Variants in CNTNAP2 observed in about 807,000 individuals in gnomAD.
CNTNAP2 encodes contactin associated protein 2, also known as contactin-associated protein-like 2.
A neutral mutation model predicts 155.2 loss-of-function variants in CNTNAP2; 98 were observed. That is an observed-to-expected ratio of 0.63 (90% CI 0.54 to 0.75). The LOEUF (loss-of-function observed/expected upper bound fraction) is 0.75, where lower values mean the gene tolerates loss of function less well. CNTNAP2 is among the 30% of genes least tolerant of loss of function. The pLI, the probability that CNTNAP2 is intolerant of heterozygous loss-of-function variation, is 0.00. For missense variants in CNTNAP2, 1,727 were observed against 1,688.1 expected (o/e 1.02, Z -0.40); for synonymous variants, 651 against 631.2 (o/e 1.03, Z -0.47).
rs887115937 is a variant in CNTNAP2, at chr7:148,344,990, G to A, written c.3476-38659G>A. Among the ~76,000 whole-genome samples the A allele has an allele frequency of 6.6e-5, 10 of 152,184 alleles. No individual in the cohort carries two copies. In the East Asian group the frequency reaches 7.7e-4, roughly 12 times the overall value. On this transcript the variant is annotated intron_variant, in intron 21 of 23. Transcript: ENST00000361727. ...ACTCTAGGGCTGCAACACAGTCCCCGAGTGGTGGAGCCATGGCTGGAAATT... is the reference window on the plus strand; with the variant it reads ...ACTCTAGGGCTGCAACACAGTCCCCAAGTGGTGGAGCCATGGCTGGAAATT...
At chr7:148,391,992 A>G (rs938545821) in intron 22 of CNTNAP2, among the ~76,000 whole-genome samples, 1 of 152,240 alleles carries the variant, frequency 6.6e-6, no homozygotes, top group Admixed American at 6.5e-5. Flanking sequence ...TCTTTAAAAT[A>G]TCATTAAAAT....
intron 11 of CNTNAP2, among the ~76,000 whole-genome samples, chr7:147,545,661 A>G (rs1799716378): frequency 1.3e-5 from 2 of 152,058 alleles, no homozygotes; most frequent in African/African-American, 4.8e-5. Flanking sequence ...CACAAGTCTG[A>G]TGGTTAGTCT....
intron 23 of CNTNAP2, among the ~76,000 whole-genome samples, chr7:148,410,763 C>A (rs554508201): frequency 3.3e-5 from 5 of 151,798 alleles, no homozygotes; most frequent in Admixed American, 2.6e-4. Context: ...AAGAAAAACA[C>A]GTAACAGAGA....
At chr7:147,463,958 TAA>T (rs34032978) in intron 10 of CNTNAP2, among the ~76,000 whole-genome samples, 6 of 82,972 alleles carry the variant, frequency 7.2e-5, no homozygotes, top group African/African-American at 2.4e-4. Flanking sequence ...GCCCCACTAC[TAA>T]AAAAAAAAAA....
chr7:146,354,411 A>ATTTTTTTTTTTTTTTT (rs10641636), intron 1 of CNTNAP2, among the ~76,000 whole-genome samples: 2 of 135,346 alleles, frequency 1.5e-5, no homozygotes, highest in African/African-American at 2.8e-5. Context: ...TCTTGTTAGT[A>ATTTTTTTTTTTTTTTT]TTTTTTTTTT....
At chr7:148,005,595 G>C (rs1801962830) in intron 15 of CNTNAP2, among the ~76,000 whole-genome samples, 1 of 152,090 alleles carries the variant, frequency 6.6e-6, no homozygotes, top group South Asian at 2.1e-4. Context: ...ATGCTGAGTG[G>C]CACCAAGAGG....
intron 3 of CNTNAP2, among the ~76,000 whole-genome samples, chr7:147,027,011 A>C (rs965147528): frequency 2.7e-5 from 4 of 145,826 alleles, no homozygotes; most frequent in African/African-American, 7.8e-5. Flanking sequence ...ACAGAAAAAA[A>C]AAAAAACAAA....
chr7:146,308,675 T>C (rs1441568987), intron 1 of CNTNAP2, among the ~76,000 whole-genome samples: 1 of 152,088 alleles, frequency 6.6e-6, no homozygotes, highest in Non-Finnish European at 1.5e-5. Context: ...CATGTCCTCT[T>C]AGGGACATGG....
intron 1 of CNTNAP2, among the ~76,000 whole-genome samples, chr7:146,767,771 G>T (rs970963735): frequency 1.3e-5 from 2 of 151,960 alleles, no homozygotes; most frequent in African/African-American, 2.4e-5. Context: ...ATTTTATGTT[G>T]TTATGATTTA....
chr7:146,941,460 G>A (rs1388010974), intron 3 of CNTNAP2, among the ~76,000 whole-genome samples: 1 of 152,104 alleles, frequency 6.6e-6, no homozygotes, highest in Non-Finnish European at 1.5e-5. Context: ...ACAAATTACT[G>A]TAGTGATTAC....
intron 3 of CNTNAP2, among the ~76,000 whole-genome samples, chr7:146,898,533 C>G (rs933840975): frequency 2.6e-5 from 4 of 151,590 alleles, no homozygotes; most frequent in Non-Finnish European, 5.9e-5. Flanking sequence ...TTCTTACTGC[C>G]TAAGGAAATG....
chr7:147,964,919 T>C (rs1005171478), intron 14 of CNTNAP2, among the ~76,000 whole-genome samples: 1 of 152,202 alleles, frequency 6.6e-6, no homozygotes, highest in Non-Finnish European at 1.5e-5. Context: ...AGATCAAATA[T>C]CCAGCTGGCT....
intron 1 of CNTNAP2, among the ~76,000 whole-genome samples, chr7:146,679,916 C>A (rs1261139971): frequency 1.3e-5 from 2 of 151,680 alleles, no homozygotes; most frequent in Non-Finnish European, 2.9e-5. Flanking sequence ...TACTTTTTGC[C>A]TTGAAATGTC....
chr7:146,582,794 A>G (rs1798631337), intron 1 of CNTNAP2, among the ~76,000 whole-genome samples: 1 of 151,818 alleles, frequency 6.6e-6, no homozygotes, highest in Non-Finnish European at 1.5e-5. Context: ...TATCTCTAAA[A>G]AGGAAAAGAA....
At chr7:147,638,846 T>TA (rs1322633384) in intron 12 of CNTNAP2, 7 of 599,550 alleles carry the variant, frequency 1.2e-5, no homozygotes, top group African/African-American at 1.9e-5. Context: ...AAAAGCTTTT[T>TA]TTTTTTTTCT....
At chr7:146,898,324 TAGTG>T (rs1036914762) in intron 3 of CNTNAP2, among the ~76,000 whole-genome samples, 24 of 152,214 alleles carry the variant, frequency 1.6e-4, no homozygotes, top group African/African-American at 5.1e-4. Context: ...ATTGGTTTCT[TAGTG>T]AGCACAAAAA....
intron 1 of CNTNAP2, among the ~76,000 whole-genome samples, chr7:146,721,461 T>TA (rs1563203613): frequency 5.7e-4 from 61 of 107,224 alleles, no homozygotes; most frequent in African/African-American, 2.3e-3. Context: ...TATATACATT[T>TA]TATATACATT....
At position 146,168,350 on chromosome 7, in the gene CNTNAP2, A is replaced by G. The variant is rs115156857; in HGVS notation, c.97+51377A>G. Among the ~76,000 whole-genome samples the G allele has an allele frequency of 5.2e-3, 799 of 152,276 alleles. 6 individuals are homozygous for G. Among genetic ancestry groups the G allele is most frequent in the African/African-American group, 0.018 (756 of 41,560 alleles). On this transcript the variant is annotated intron_variant, in intron 1 of 23. Coordinates refer to ENST00000361727, the MANE Select transcript of CNTNAP2 (RefSeq NM_014141.6). The stretch of plus-strand genomic sequence containing the variant: ...ATCCTATAGATAATGTAAGGACTCA[A>G]TATTAACCATCACAGTCATGTATTA...
intron 8 of CNTNAP2, among the ~76,000 whole-genome samples, chr7:147,170,434 T>C (rs932682340): frequency 2.6e-5 from 4 of 152,024 alleles, no homozygotes; most frequent in Non-Finnish European, 5.9e-5. Flanking sequence ...GTTTGTTTGT[T>C]TGTTTGTTTG....
Sources: allele counts gnomAD v4.1 joint callset (sites outside exome capture counted in the v4.1 genomes callset), GRCh38; gene constraint gnomAD v4.1.1; transcripts MANE v1.5; gene names NCBI Gene and HGNC (gene_info 2026-07-23, HGNC 2026-07-21).